The following HKDC1 variants were observed in gnomAD, a reference collection of about 807,000 sequenced individuals.
The protein encoded by HKDC1 is hexokinase domain containing 1.
A neutral mutation model predicts 96.6 loss-of-function variants in HKDC1; 66 were observed. The ratio of observed to expected loss-of-function variants is 0.68; its 90% CI spans 0.56 to 0.84. The LOEUF (loss-of-function observed/expected upper bound fraction) is 0.84. HKDC1 is among the 40% of genes least tolerant of loss of function. The probability of loss-of-function intolerance (pLI) is 0.00; values close to 1 mark genes in which losing one functional copy is unlikely to be tolerated. For missense variants in HKDC1, 1,211 were observed against 1,208.1 expected (o/e 1.00, Z -0.04); for synonymous variants, 466 against 473.1 (o/e 0.98, Z 0.20).
At chr10:69,257,000 CTA>C (rs776158899) in intron 12 of HKDC1, 34 bp from the exon 13 acceptor site, 38 of 1,529,746 alleles carry the variant, frequency 2.5e-5, no homozygotes, top group Non-Finnish European at 2.5e-5. Context: ...CCCTAGCAAA[CTA>C]TTGCTCAAAT....
At chr10:69,229,524 G>A (rs1056321941) in intron 2 of HKDC1, among the ~76,000 whole-genome samples, 1 of 152,200 alleles carries the variant, frequency 6.6e-6, no homozygotes, top group Non-Finnish European at 1.5e-5. Context: ...GTCATGTGGG[G>A]AGCACCAGGG....
chr10:69,222,570 G>T (rs1425177151), intron 1 of HKDC1, among the ~76,000 whole-genome samples: 2 of 152,080 alleles, frequency 1.3e-5, no homozygotes, highest in Non-Finnish European at 2.9e-5. Flanking sequence ...TTAACCTTTT[G>T]TACCCTAGGA....
chr10:69,232,665 G>A, intron 2 of HKDC1, 99 bp from the exon 3 acceptor site: 1 of 1,121,450 alleles, frequency 8.9e-7, no homozygotes. Flanking sequence ...TAGTGGCTGT[G>A]ATTTGAAGAC....
At chr10:69,241,007 G>C (rs1008186977) in intron 6 of HKDC1, among the ~76,000 whole-genome samples, 1 of 152,182 alleles carries the variant, frequency 6.6e-6, no homozygotes, top group Non-Finnish European at 1.5e-5. Context: ...GTGGGGAGGT[G>C]GGTGAGAGGC....
intron 10 of HKDC1, among the ~76,000 whole-genome samples, chr10:69,249,666 A>AT (rs1843605372): frequency 6.6e-6 from 1 of 151,982 alleles, no homozygotes; most frequent in African/African-American, 2.4e-5. Context: ...CGGATAATTA[A>AT]TTTTTTGTAT....
At chr10:69,265,556 G>C (rs868547104) in intron 16 of HKDC1, 29 bp from the exon 17 acceptor site, 1 of 1,605,436 alleles carries the variant, frequency 6.2e-7, no homozygotes, top group Admixed American at 1.7e-5. Flanking sequence ...TGGGAAGCAG[G>C]TCCTGACTCC....
intron 1 of HKDC1, 95 bp downstream of exon 1, chr10:69,220,593 G>A: frequency 1.2e-6 from 1 of 855,412 alleles, no homozygotes. Flanking sequence ...AGTGAAGAGA[G>A]CTTATTAGAA....
intron 2 of HKDC1, chr10:69,232,305 C>T: frequency 5.5e-6 from 1 of 180,916 alleles, no homozygotes; most frequent in Non-Finnish European, 1.2e-5. Context: ...TTCCCTCTGC[C>T]CATAGGATCA....
intron 4 of HKDC1, among the ~76,000 whole-genome samples, chr10:69,237,760 G>A (rs1176109087): frequency 2.0e-5 from 3 of 152,200 alleles, no homozygotes; most frequent in Non-Finnish European, 4.4e-5. Flanking sequence ...GCTGCCACAC[G>A]GCGGCGCTGT....
chr10:69,244,035 C>T (rs1212590520), intron 7 of HKDC1, among the ~76,000 whole-genome samples: 3 of 151,934 alleles, frequency 2.0e-5, no homozygotes, highest in African/African-American at 7.2e-5. Context: ...CAGCCGAACT[C>T]GTCGTGTTCG....
intron 12 of HKDC1, among the ~76,000 whole-genome samples, chr10:69,256,118 A>G (rs1843714221): frequency 6.6e-6 from 1 of 152,156 alleles, no homozygotes; most frequent in Admixed American, 6.5e-5. Flanking sequence ...GTGCGAGTGT[A>G]TATGTGTGTA....
chr10:69,229,364 A>T (rs972807306), intron 2 of HKDC1, among the ~76,000 whole-genome samples: 1 of 152,236 alleles, frequency 6.6e-6, no homozygotes, highest in African/African-American at 2.4e-5. Flanking sequence ...GGTGCTTGGG[A>T]TGGACAGTGC....
At chr10:69,254,523 C>T (rs1320161222) in intron 12 of HKDC1, among the ~76,000 whole-genome samples, 2 of 152,148 alleles carry the variant, frequency 1.3e-5, no homozygotes, top group African/African-American at 4.8e-5. Flanking sequence ...CCTCCTTCCC[C>T]CAGACCCTTG....
At chr10:69,250,170 G>A (rs1589412938) in intron 10 of HKDC1, 120 bp from the exon 11 acceptor site, 11 of 1,145,078 alleles carry the variant, frequency 9.6e-6, no homozygotes, top group African/African-American at 6.2e-5. Context: ...ACGACCCTCT[G>A]GTCTATGAGG....
chr10:69,250,399 C>T lies in HKDC1; in HGVS notation c.1680C>T (p.Ala560=), dbSNP rs774320131. The T allele has an allele frequency of 6.2e-7, 1 of 1,614,040 alleles. No individual in the cohort carries two copies. The change falls in exon 11 of 18, where the codon GCC becomes GCT. Residue 560 remains alanine, a synonymous_variant. Transcript: ENST00000354624. ...TGCGAATGTACAACAAGATCTTCGC[C>T]ATCCCCCTGGAGATCATGCAGGGCA... The part of the protein sequence containing the change: ...RSVRMYNKIF[A]IPLEIMQGTG...
Position 69,265,571 on chromosome 10 carries a change from T to G in HKDC1, c.2373-14T>G. The G allele has an allele frequency of 6.2e-7, 1 of 1,612,670 alleles. No individual in the cohort carries two copies. The highest frequency in any genetic ancestry group is 8.5e-7 in the Non-Finnish European group (1 of 1,179,220). ...TGGGAAGCAGGTCCTGACTCCCTGCTCTATTGCCTGCAGCGATCGGCTGGC... is the reference window on the plus strand; with the variant it reads ...TGGGAAGCAGGTCCTGACTCCCTGCGCTATTGCCTGCAGCGATCGGCTGGC... On this transcript the variant is annotated splice_polypyrimidine_tract_variant and intron_variant, in intron 16 of 17. Transcript: ENST00000354624.
chr10:69,241,641 G>A lies in HKDC1; in HGVS notation c.691+890G>A, dbSNP rs541432329. ...TGGGATTACAGGTGCCCACCACCAC[G>A]GCTGGCCAATTTTTTGTATTTTTAG... is the stretch of plus-strand genomic sequence containing the variant. On this transcript the variant is annotated intron_variant, in intron 6 of 17. Transcript: ENST00000354624. 1.6e-4 allele frequency among the ~76,000 whole-genome samples: 24 copies of A among 152,168 alleles called. 1 individual carries two copies. The South Asian group carries it at 5.0e-3, about 32-fold the overall frequency.
At chr10:69,244,059 C>A (rs975274356) in intron 7 of HKDC1, among the ~76,000 whole-genome samples, 1 of 152,034 alleles carries the variant, frequency 6.6e-6, no homozygotes, top group African/African-American at 2.4e-5. Context: ...GTCCCCCAGC[C>A]GCCTTGCTTT....
chr10:69,236,031 T>G (rs1281003167), intron 4 of HKDC1, among the ~76,000 whole-genome samples: 1 of 152,014 alleles, frequency 6.6e-6, no homozygotes, highest in East Asian at 1.9e-4. Context: ...CACCCCAAGT[T>G]CATAAGCTCC....
Sources: allele counts gnomAD v4.1 joint callset (sites outside exome capture counted in the v4.1 genomes callset), GRCh38; gene constraint gnomAD v4.1.1; transcripts MANE v1.5; gene names NCBI Gene and HGNC (gene_info 2026-07-23, HGNC 2026-07-21).